Variants in RHBDL2 observed in about 807,000 individuals in gnomAD.
The protein encoded by RHBDL2 is rhomboid-related protein 2.
RHBDL2 carries 26 observed loss-of-function variants against 31.7 expected under a neutral mutation model. The observed-to-expected ratio is 0.82, with a 90% confidence interval of 0.60 to 1.14. The LOEUF is 1.14. Among genes scored for constraint, RHBDL2 ranks in the 50% most tolerant of loss-of-function variants. RHBDL2 has a pLI of 0.00. For missense variants in RHBDL2, 336 were observed against 364.4 expected (o/e 0.92, Z 0.63); for synonymous variants, 123 against 127.2 (o/e 0.97, Z 0.22).
At chr1:38,916,607 G>T (rs1643238904) in intron 2 of RHBDL2, among the ~76,000 whole-genome samples, 1 of 152,056 alleles carries the variant, frequency 6.6e-6, no homozygotes, top group Non-Finnish European at 1.5e-5. Context: ...CCCTTTGGCG[G>T]GAGGCTGAGG....
intron 1 of RHBDL2, among the ~76,000 whole-genome samples, chr1:38,931,134 G>C (rs1041055478): frequency 6.6e-6 from 1 of 152,182 alleles, no homozygotes; most frequent in East Asian, 1.9e-4. Flanking sequence ...TGGGGTGAAG[G>C]CCTGGCACTT....
intron 1 of RHBDL2, among the ~76,000 whole-genome samples, chr1:38,934,539 C>T (rs1378621853): frequency 1.3e-5 from 2 of 149,818 alleles, no homozygotes; most frequent in South Asian, 4.2e-4. Flanking sequence ...CACCTGTAAT[C>T]CCAGCTACTC....
At chr1:38,934,395 A>T (rs1372463096) in intron 1 of RHBDL2, among the ~76,000 whole-genome samples, 2 of 151,278 alleles carry the variant, frequency 1.3e-5, no homozygotes. Flanking sequence ...GGTGGCTCAC[A>T]CTTGTAATCC....
intron 4 of RHBDL2, among the ~76,000 whole-genome samples, chr1:38,908,526 A>C (rs1341775278): frequency 6.6e-6 from 1 of 151,548 alleles, no homozygotes; most frequent in Admixed American, 6.6e-5. Flanking sequence ...AAAAAAAAAA[A>C]AAAAAAAAAA....
intron 3 of RHBDL2, chr1:38,913,685 T>C (rs1643189348): frequency 6.6e-6 from 1 of 152,086 alleles, no homozygotes; most frequent in African/African-American, 2.4e-5. Flanking sequence ...TTGGGTAGAC[T>C]GCACAGAAAA....
At chr1:38,936,123 A>AC (rs1557625432) in intron 1 of RHBDL2, among the ~76,000 whole-genome samples, 1 of 152,076 alleles carries the variant, frequency 6.6e-6, no homozygotes. Context: ...GGCTGGATTC[A>AC]AACTCCTGGG....
At chr1:38,921,747 T>C (rs1643318671) in intron 1 of RHBDL2, among the ~76,000 whole-genome samples, 2 of 152,210 alleles carry the variant, frequency 1.3e-5, no homozygotes, top group East Asian at 1.9e-4. Context: ...AGTCCATAGA[T>C]ATAACTCTTT....
chr1:38,890,016 T>C (rs1642834332), intron 6 of RHBDL2, among the ~76,000 whole-genome samples: 1 of 152,148 alleles, frequency 6.6e-6, no homozygotes, highest in Non-Finnish European at 1.5e-5. Flanking sequence ...AAGTGCTAGA[T>C]TCATGAGGCT....
At chr1:38,930,959 T>G (rs967148710) in intron 1 of RHBDL2, among the ~76,000 whole-genome samples, 7 of 152,146 alleles carry the variant, frequency 4.6e-5, no homozygotes, top group African/African-American at 1.7e-4. Flanking sequence ...AGGGTGTTGG[T>G]CACCCTGTCA....
At chr1:38,924,208 G>C (rs1250264585) in intron 1 of RHBDL2, among the ~76,000 whole-genome samples, 1 of 152,016 alleles carries the variant, frequency 6.6e-6, no homozygotes, top group African/African-American at 2.4e-5. Flanking sequence ...ACCTGTCAAA[G>C]CATTGAGATT....
chr1:38,921,451 G>A (rs1034977155), intron 1 of RHBDL2, among the ~76,000 whole-genome samples: 11 of 152,152 alleles, frequency 7.2e-5, no homozygotes, highest in African/African-American at 2.7e-4. Context: ...ATTGGCTGTG[G>A]ATGGATGAAT....
chr1:38,894,469 C>T (rs149337056), intron 5 of RHBDL2, among the ~76,000 whole-genome samples: 1,641 of 151,932 alleles, frequency 0.011, 23 homozygotes, highest in African/African-American at 0.038. Context: ...ACTACAGGTG[C>T]GTGCCACCAC....
At chr1:38,939,250 C>A (rs1643538780) in intron 1 of RHBDL2, among the ~76,000 whole-genome samples, 1 of 152,044 alleles carries the variant, frequency 6.6e-6, no homozygotes, top group Non-Finnish European at 1.5e-5. Flanking sequence ...TTTCTTTTTT[C>A]TTTTCCTTGA....
chr1:38,905,583 C>G (rs1027272596), intron 4 of RHBDL2, among the ~76,000 whole-genome samples: 1 of 113,312 alleles, frequency 8.8e-6, no homozygotes, highest in African/African-American at 2.7e-5. Context: ...AACCCTGTCT[C>G]TACAGGAAAA....
intron 6 of RHBDL2, among the ~76,000 whole-genome samples, chr1:38,892,726 G>A (rs1036916618): frequency 3.9e-5 from 6 of 152,164 alleles, no homozygotes; most frequent in East Asian, 1.9e-4. Context: ...TCAGAGTTGA[G>A]GGGCCAGGGG....
chr1:38,937,815 G>A (rs1251273594), intron 1 of RHBDL2, among the ~76,000 whole-genome samples: 1 of 152,134 alleles, frequency 6.6e-6, no homozygotes, highest in African/African-American at 2.4e-5. Flanking sequence ...GTATACAGCT[G>A]AGGGCAAAGT....
At chr1:38,909,302 A>G (rs1643111153) in intron 4 of RHBDL2, among the ~76,000 whole-genome samples, 1 of 151,954 alleles carries the variant, frequency 6.6e-6, no homozygotes, top group South Asian at 2.1e-4. Context: ...GCCCTCCTCT[A>G]CCCAGCACTT....
intron 1 of RHBDL2, chr1:38,929,625 G>T: frequency 8.0e-7 from 1 of 1,245,600 alleles, no homozygotes; most frequent in Non-Finnish European, 1.0e-6. Context: ...TGTGGCTGGG[G>T]AGCTCAGGAG....
chr1:38,922,140 C>A (rs1643323547), intron 1 of RHBDL2, among the ~76,000 whole-genome samples: 1 of 152,084 alleles, frequency 6.6e-6, no homozygotes, highest in South Asian at 2.1e-4. Context: ...GTTGACCCAA[C>A]CGGTTTAGCC....
Sources: gnomAD v4.1 joint callset for allele counts (sites outside exome capture counted in the v4.1 genomes callset) on GRCh38, gnomAD v4.1.1 for gene constraint, MANE v1.5 for transcripts, NCBI Gene and HGNC (gene_info 2026-07-23, HGNC 2026-07-21) for gene names.